Variants in NT5C3A observed in about 807,000 individuals in gnomAD.
The protein encoded by NT5C3A is cytosolic 5'-nucleotidase 3A.
NT5C3A carries 23 observed loss-of-function variants against 40.0 expected under a neutral mutation model. That is an observed-to-expected ratio of 0.58 (90% CI 0.41 to 0.81). The LOEUF (loss-of-function observed/expected upper bound fraction) is 0.81. Ranked by LOEUF, NT5C3A falls within the 40% of genes least tolerant of loss-of-function variation. The pLI is 0.00. For missense variants in NT5C3A, 328 were observed against 403.0 expected (o/e 0.81, Z 1.59); for synonymous variants, 130 against 141.4 (o/e 0.92, Z 0.57).
At position 33,036,816 on chromosome 7, in the gene NT5C3A, A is replaced by T. The variant is rs1583938447; in HGVS notation, c.139-9901T>A. Among the ~76,000 whole-genome samples the T allele has an allele frequency of 2.0e-5, 3 of 151,378 alleles. No individual in the cohort carries two copies. The South Asian group carries it at 6.3e-4, about 32-fold the overall frequency. ...TTTTATTTTTATTTTTTTATTTTTT[A>T]TTTTTATTTTTTTTGAGATGCAGTC... On this transcript the variant is annotated intron_variant, in intron 1 of 8. Coordinates refer to ENST00000610140, the MANE Select transcript of NT5C3A (RefSeq NM_001002010.5).
At chr7:33,023,996 G>A (rs1225405097) in intron 3 of NT5C3A, 43 bp downstream of exon 3, 1 of 1,132,880 alleles carries the variant, frequency 8.8e-7, no homozygotes, top group African/African-American at 1.5e-5. Context: ...TTAAAATAAT[G>A]ATGACATGCT....
At chr7:33,054,246 T>C (rs977549728) in intron 1 of NT5C3A, among the ~76,000 whole-genome samples, 2 of 151,578 alleles carry the variant, frequency 1.3e-5, no homozygotes, top group African/African-American at 2.4e-5. Flanking sequence ...CCCAGCTACC[T>C]GGGAGGCTGA....
intron 1 of NT5C3A, among the ~76,000 whole-genome samples, chr7:33,028,408 G>A (rs1193883257): frequency 6.6e-6 from 1 of 152,172 alleles, no homozygotes; most frequent in African/African-American, 2.4e-5. Flanking sequence ...ATCAGTACAA[G>A]CTCTCATAGC....
intron 1 of NT5C3A, among the ~76,000 whole-genome samples, chr7:33,042,614 T>C (rs1786975268): frequency 1.3e-5 from 2 of 152,222 alleles, no homozygotes; most frequent in Non-Finnish European, 2.9e-5. Flanking sequence ...GAATTTAAAA[T>C]ACATCACTTT....
At chr7:33,020,371 T>C (rs1785559782) in intron 5 of NT5C3A, among the ~76,000 whole-genome samples, 1 of 152,234 alleles carries the variant, frequency 6.6e-6, no homozygotes, top group Non-Finnish European at 1.5e-5. Flanking sequence ...CCTTCTTCCC[T>C]GCCTGGGTCA....
intron 6 of NT5C3A, among the ~76,000 whole-genome samples, chr7:33,018,134 C>T (rs12155477): frequency 0.72 from 110,001 of 152,170 alleles, 40,019 homozygotes; most frequent in African/African-American, 0.78. Context: ...GGCCTATCAA[C>T]TTGGCCTAAC....
chr7:33,040,460 C>T (rs571454557), intron 1 of NT5C3A, among the ~76,000 whole-genome samples: 1 of 152,248 alleles, frequency 6.6e-6, no homozygotes, highest in Admixed American at 6.5e-5. Flanking sequence ...ATCTTTATTA[C>T]TACCCATAAT....
intron 1 of NT5C3A, among the ~76,000 whole-genome samples, chr7:33,055,437 T>C (rs984285829): frequency 6.6e-6 from 1 of 152,224 alleles, no homozygotes; most frequent in African/African-American, 2.4e-5. Context: ...CTCATTTTTG[T>C]TGGAAGGTGG....
chr7:33,048,038 T>A (rs376257974), intron 1 of NT5C3A, among the ~76,000 whole-genome samples: 1 of 151,888 alleles, frequency 6.6e-6, no homozygotes, highest in African/African-American at 2.4e-5. Flanking sequence ...CTTACTTAAA[T>A]AGGATTAAAT....
chr7:33,021,382 CA>C (rs1785624114), intron 4 of NT5C3A, 25 bp from the exon 5 acceptor site: 2 of 1,603,342 alleles, frequency 1.2e-6, no homozygotes, highest in South Asian at 2.2e-5. Context: ...ATAACTTAAT[CA>C]TGAAGATTAC....
chr7:33,055,096 G>A (rs571072117), intron 1 of NT5C3A, among the ~76,000 whole-genome samples: 72 of 152,274 alleles, frequency 4.7e-4, no homozygotes, highest in Non-Finnish European at 7.5e-4. Flanking sequence ...AGGCCAAGGC[G>A]GGCGGATCAC....
chr7:33,062,624 G>A lies in NT5C3A; in HGVS notation c.82C>T (p.Gln28Ter). 1.9e-6 allele frequency: 3 copies of A among 1,607,372 alleles called. No homozygotes were observed. The highest frequency in any genetic ancestry group is 2.5e-6 in the Non-Finnish European group (3 of 1,177,756). ...TTCCTCTTCAAGGTGAATATGTACT[G>A]AGCCAGCACCACCCCCGCCACCAGG... ...CALVAGVVLA[Q>*]YIFTLKRKTG... Residue 28 changes from glutamine (Q) to a stop codon, truncating the protein, a stop_gained, in exon 1 of 9, where the codon CAG (glutamine) becomes TAG (stop). Coordinates refer to ENST00000610140, the MANE Select transcript of NT5C3A (RefSeq NM_001002010.5). LOFTEE classifies it high-confidence loss of function.
At chr7:33,044,549 T>C (rs1787067840) in intron 1 of NT5C3A, among the ~76,000 whole-genome samples, 1 of 152,186 alleles carries the variant, frequency 6.6e-6, no homozygotes, top group African/African-American at 2.4e-5. Context: ...AAATCACTCC[T>C]ATCACTCCTA....
intron 4 of NT5C3A, chr7:33,021,688 C>CA: frequency 2.5e-6 from 1 of 403,008 alleles, no homozygotes; most frequent in South Asian, 2.7e-5. Flanking sequence ...CAGACACATA[C>CA]ATACTCAAGC....
intron 1 of NT5C3A, among the ~76,000 whole-genome samples, chr7:33,045,545 C>T (rs1429551774): frequency 3.3e-5 from 5 of 151,796 alleles, no homozygotes; most frequent in Non-Finnish European, 5.9e-5. Flanking sequence ...CTGCAATCTC[C>T]GCCTCCTGAG....
chr7:33,043,831 T>C (rs1012949257), intron 1 of NT5C3A, among the ~76,000 whole-genome samples: 1 of 152,194 alleles, frequency 6.6e-6, no homozygotes, highest in African/African-American at 2.4e-5. Context: ...GGGACTAACA[T>C]GTATCAAGCA....
At chr7:33,028,793 C>T (rs1419527945) in intron 1 of NT5C3A, among the ~76,000 whole-genome samples, 2 of 151,994 alleles carry the variant, frequency 1.3e-5, no homozygotes, top group Non-Finnish European at 2.9e-5. Context: ...CAGTGGCTCA[C>T]GCCTGTAATC....
intron 1 of NT5C3A, among the ~76,000 whole-genome samples, chr7:33,031,106 A>C (rs867887664): frequency 3.6e-5 from 3 of 84,438 alleles, no homozygotes; most frequent in African/African-American, 1.3e-4. Context: ...TCAAAAAAAA[A>C]CAAAAAAAAA....
intron 1 of NT5C3A, among the ~76,000 whole-genome samples, chr7:33,039,279 T>C (rs1437105887): frequency 6.6e-6 from 1 of 152,176 alleles, no homozygotes; most frequent in East Asian, 1.9e-4. Context: ...CTGATTACTT[T>C]TAAAGGTCTA....
Sources: allele counts gnomAD v4.1 joint callset (sites outside exome capture counted in the v4.1 genomes callset), GRCh38; gene constraint gnomAD v4.1.1; transcripts MANE v1.5; gene names NCBI Gene and HGNC (gene_info 2026-07-23, HGNC 2026-07-21).